PABPC4L: variants seen among roughly 807,000 people sequenced by gnomAD.
The protein encoded by PABPC4L is polyadenylate-binding protein 4-like.
For synonymous variants in PABPC4L, 169 were observed against 164.1 expected (o/e 1.03, Z -0.23); for missense variants, 452 against 451.4 (o/e 1.00, Z -0.01).
chr4:134,046,918 G>T, the PABPC4L span, among the ~76,000 whole-genome samples: 1 of 152,118 alleles, frequency 6.6e-6, no homozygotes, highest in East Asian at 1.9e-4. Flanking sequence ...GATCAAAATG[G>T]AATTTCTTAT....
the PABPC4L span, among the ~76,000 whole-genome samples, chr4:133,976,733 A>G: frequency 1.3e-5 from 2 of 151,768 alleles, no homozygotes; most frequent in Non-Finnish European, 2.9e-5. Flanking sequence ...TTTTTTTCAT[A>G]TATTTGTTGG....
At chr4:134,101,619 C>T in the PABPC4L span, among the ~76,000 whole-genome samples, 1 of 151,238 alleles carries the variant, frequency 6.6e-6, no homozygotes, top group Non-Finnish European at 1.5e-5. Context: ...TTATAGGCAA[C>T]ATTTTTCTTT....
chr4:133,950,780 C>T, the PABPC4L span, among the ~76,000 whole-genome samples: 1 of 152,206 alleles, frequency 6.6e-6, no homozygotes, highest in African/African-American at 2.4e-5. Context: ...ACTACAACCT[C>T]CATAGTGTTC....
At chr4:134,105,960 C>A in the PABPC4L span, among the ~76,000 whole-genome samples, 1 of 151,632 alleles carries the variant, frequency 6.6e-6, no homozygotes, top group South Asian at 2.1e-4. Flanking sequence ...ATTTACTTTT[C>A]TTTATAGTTC....
chr4:134,008,693 A>G, the PABPC4L span, among the ~76,000 whole-genome samples: 1 of 151,824 alleles, frequency 6.6e-6, no homozygotes, highest in Non-Finnish European at 1.5e-5. Context: ...TAGGAAAATT[A>G]CTTGGAAGTA....
the PABPC4L span, among the ~76,000 whole-genome samples, chr4:134,114,715 T>C: frequency 2.0e-5 from 3 of 151,894 alleles, no homozygotes; most frequent in South Asian, 2.1e-4. Flanking sequence ...TCACAAAACC[T>C]ATTCAAACTT....
chr4:134,021,153 C>T, the PABPC4L span, among the ~76,000 whole-genome samples: 1 of 152,058 alleles, frequency 6.6e-6, no homozygotes. Context: ...AACAGTTTGA[C>T]ACATGAACAA....
chr4:134,025,879 C>A, the PABPC4L span, among the ~76,000 whole-genome samples: 8 of 151,836 alleles, frequency 5.3e-5, no homozygotes, highest in Non-Finnish European at 1.0e-4. Flanking sequence ...AATTTTTTTA[C>A]CAGCATTTGA....
At chr4:134,022,363 C>G in the PABPC4L span, among the ~76,000 whole-genome samples, 1 of 152,070 alleles carries the variant, frequency 6.6e-6, no homozygotes, top group Non-Finnish European at 1.5e-5. Context: ...GTGATGGAAT[C>G]TGACACACCA....
the PABPC4L span, among the ~76,000 whole-genome samples, chr4:134,122,692 A>T: frequency 4.6e-5 from 7 of 151,968 alleles, no homozygotes; most frequent in Admixed American, 1.3e-4. Context: ...TCAATTTAAA[A>T]TATTATCTAA....
At chr4:134,084,401 G>A in the PABPC4L span, among the ~76,000 whole-genome samples, 1 of 151,958 alleles carries the variant, frequency 6.6e-6, no homozygotes, top group Admixed American at 6.6e-5. Flanking sequence ...TGTTCTCTAT[G>A]AGTTTCCTAC....
the PABPC4L span, among the ~76,000 whole-genome samples, chr4:134,187,179 C>A: frequency 5.9e-5 from 9 of 151,988 alleles, no homozygotes; most frequent in African/African-American, 2.2e-4. Flanking sequence ...TTGACCCAGC[C>A]ATCCCATTAC....
the PABPC4L span, among the ~76,000 whole-genome samples, chr4:134,134,954 G>A: frequency 6.6e-6 from 1 of 151,914 alleles, no homozygotes; most frequent in Non-Finnish European, 1.5e-5. Flanking sequence ...GAAATCAATA[G>A]AAGAAAGATC....
At chr4:134,181,236 A>G in the PABPC4L span, among the ~76,000 whole-genome samples, 2 of 152,060 alleles carry the variant, frequency 1.3e-5, no homozygotes, top group Non-Finnish European at 1.5e-5. Flanking sequence ...CAATAAATGT[A>G]CTTCACCACA....
At chr4:133,982,411 A>G in the PABPC4L span, among the ~76,000 whole-genome samples, 2 of 152,136 alleles carry the variant, frequency 1.3e-5, no homozygotes, top group East Asian at 3.9e-4. Context: ...ATTATTCAGT[A>G]GTCCAGGACA....
the PABPC4L span, among the ~76,000 whole-genome samples, chr4:134,110,417 A>G: frequency 6.6e-6 from 1 of 152,084 alleles, no homozygotes; most frequent in African/African-American, 2.4e-5. Context: ...TTGGAAGCAG[A>G]GTATGAAAAA....
chr4:134,141,829 A>T, the PABPC4L span, among the ~76,000 whole-genome samples: 1 of 151,732 alleles, frequency 6.6e-6, no homozygotes, highest in Non-Finnish European at 1.5e-5. Flanking sequence ...AAATGCAGGC[A>T]CATTCTGAAA....
At chr4:133,963,148 G>A in the PABPC4L span, among the ~76,000 whole-genome samples, 1 of 151,990 alleles carries the variant, frequency 6.6e-6, no homozygotes, top group Admixed American at 6.6e-5. Context: ...AATGGAAAAG[G>A]CATTTCACGA....
the PABPC4L span, among the ~76,000 whole-genome samples, chr4:134,179,874 C>T: frequency 6.6e-6 from 1 of 151,978 alleles, no homozygotes; most frequent in East Asian, 1.9e-4. Context: ...ACAGGAGCAC[C>T]CAGATTCATA....
Sources: gnomAD v4.1 joint callset for allele counts (sites outside exome capture counted in the v4.1 genomes callset) on GRCh38, gnomAD v4.1.1 for gene constraint, MANE v1.5 for transcripts, NCBI Gene and HGNC (gene_info 2026-07-23, HGNC 2026-07-21) for gene names.